STPG4: variants seen among roughly 807,000 people sequenced by gnomAD.
The protein encoded by STPG4 is sperm-tail PG-rich repeat containing 4, also known as protein STPG4.
In STPG4, 41 loss-of-function variants were observed where a neutral mutation model predicts 31.5. The ratio of observed to expected loss-of-function variants is 1.30; its 90% CI spans 1.01 to 1.69. The LOEUF is 1.69. Among genes scored for constraint, STPG4 ranks in the 40% most tolerant of loss-of-function variants. The probability of loss-of-function intolerance (pLI) is 0.00; values close to 1 mark genes in which losing one functional copy is unlikely to be tolerated. For missense variants in STPG4, 375 were observed against 293.4 expected (o/e 1.28, Z -2.03); for synonymous variants, 141 against 103.0 (o/e 1.37, Z -2.24).
chr2:47,143,376 T>C (rs1489880318), intron 3 of STPG4, among the ~76,000 whole-genome samples: 1 of 152,242 alleles, frequency 6.6e-6, no homozygotes, highest in East Asian at 1.9e-4. Context: ...AGGCGAAAAT[T>C]GTGCCTCACT....
intron 1 of STPG4, 137 bp from the exon 2 acceptor site, chr2:47,153,153 A>G: frequency 3.5e-6 from 2 of 564,050 alleles, no homozygotes; most frequent in Non-Finnish European, 6.1e-6. Flanking sequence ...AAAGCTACAT[A>G]ATAATAAATT....
At chr2:47,090,905 C>T (rs1030086456) in intron 5 of STPG4, among the ~76,000 whole-genome samples, 1 of 152,182 alleles carries the variant, frequency 6.6e-6, no homozygotes, top group South Asian at 2.1e-4. Context: ...AAAAGACAAT[C>T]ACTCCAGTAG....
intron 5 of STPG4, among the ~76,000 whole-genome samples, chr2:47,105,636 T>A (rs1685894855): frequency 1.3e-5 from 2 of 152,014 alleles, no homozygotes. Flanking sequence ...CTGATGGAAG[T>A]TCATTTGTGG....
chr2:47,099,227 TTTTC>T (rs144040771), intron 5 of STPG4, among the ~76,000 whole-genome samples: 47,696 of 151,800 alleles, frequency 0.31, 8,689 homozygotes, highest in East Asian at 0.53. Flanking sequence ...TCATCCTCTG[TTTTC>T]TTAGGAGGCC....
Position 47,088,116 on chromosome 2 carries a change from G to A in STPG4, c.625-986C>T, listed in dbSNP as rs1376834836. Among the ~76,000 whole-genome samples, 3 of 151,806 alleles carry A rather than the reference G, an allele frequency of 2.0e-5. No homozygotes were observed. The East Asian group carries it at 5.8e-4, about 29-fold the overall frequency. On this transcript the variant is annotated intron_variant, in intron 6 of 6. Transcript: ENST00000445927. ...TTTTTTTGAGATACGGTCTCACTCTGTCATCCAGCATGGAGTGCAGTGGCA... is the reference window on the plus strand; with the variant it reads ...TTTTTTTGAGATACGGTCTCACTCTATCATCCAGCATGGAGTGCAGTGGCA...
chr2:47,141,306 A>T (rs1686698575), intron 3 of STPG4, among the ~76,000 whole-genome samples: 1 of 151,992 alleles, frequency 6.6e-6, no homozygotes. Context: ...TCTGAGAAAT[A>T]AACAACATGG....
chr2:47,090,376 T>C lies in STPG4; in HGVS notation c.520-2A>G, dbSNP rs1685546987. The C allele has an allele frequency of 3.3e-6, 5 of 1,538,424 alleles. No individual in the cohort carries two copies. The African/African-American group carries it at 4.1e-5, about 13-fold the overall frequency. ...ATGACCTGGACCAGGGCCTTCATGC[T>C]ATTGAACATTTAAAAAATTGCTTCA... is the stretch of plus-strand genomic sequence containing the variant. On this transcript the variant is annotated splice_acceptor_variant, in intron 5 of 6. Coordinates refer to ENST00000445927, the MANE Select transcript of STPG4 (RefSeq NM_001163561.2). LOFTEE classifies it high-confidence loss of function.
At chr2:47,089,559 A>G (rs1685526154) in intron 6 of STPG4, among the ~76,000 whole-genome samples, 1 of 152,134 alleles carries the variant, frequency 6.6e-6, no homozygotes, top group Admixed American at 6.5e-5. Flanking sequence ...AGCCATCTCA[A>G]ATGAGTCTAC....
At chr2:47,148,574 A>G (rs1050636485) in intron 3 of STPG4, among the ~76,000 whole-genome samples, 2 of 152,170 alleles carry the variant, frequency 1.3e-5, no homozygotes, top group African/African-American at 4.8e-5. Flanking sequence ...GTACATGTGC[A>G]CAATGTGCAG....
Position 47,097,000 on chromosome 2 carries a change from G to C in STPG4, c.520-6626C>G, listed in dbSNP as rs35791680. Among the ~76,000 whole-genome samples, 3 of 151,910 alleles carry C rather than the reference G, an allele frequency of 2.0e-5. No homozygotes were observed. In the South Asian group the frequency reaches 6.2e-4, roughly 32 times the overall value. On this transcript the variant is annotated intron_variant, in intron 5 of 6. Coordinates refer to ENST00000445927, the MANE Select transcript of STPG4 (RefSeq NM_001163561.2). ...GGCAAGTGATATGAGGAAGCTCCAG[G>C]GAAGAGGCATCTGGAGTAACCCCTT...
At chr2:47,091,964 G>T (rs1047935894) in intron 5 of STPG4, among the ~76,000 whole-genome samples, 1 of 150,172 alleles carries the variant, frequency 6.7e-6, no homozygotes, top group Non-Finnish European at 1.5e-5. Flanking sequence ...CAGTGTTGAT[G>T]AGTTTTTATA....
At chr2:47,100,417 G>A (rs1685769843) in intron 5 of STPG4, among the ~76,000 whole-genome samples, 1 of 149,254 alleles carries the variant, frequency 6.7e-6, no homozygotes, top group East Asian at 2.0e-4. Context: ...TAATCTAGTG[G>A]GGACTTAGAG....
intron 4 of STPG4, 99 bp downstream of exon 4, chr2:47,130,097 A>C: frequency 1.4e-6 from 2 of 1,474,650 alleles, no homozygotes; most frequent in South Asian, 2.4e-5. Context: ...TAAAATGTTA[A>C]TTTGCATATG....
At chr2:47,114,197 C>T (rs1478471691) in intron 5 of STPG4, among the ~76,000 whole-genome samples, 2 of 151,660 alleles carry the variant, frequency 1.3e-5, no homozygotes, top group African/African-American at 4.9e-5. Context: ...ATAGCAAGAC[C>T]CCATTTTCAA....
At chr2:47,132,025 C>T (rs191238858) in intron 3 of STPG4, among the ~76,000 whole-genome samples, 23 of 152,184 alleles carry the variant, frequency 1.5e-4, no homozygotes, top group African/African-American at 5.5e-4. Flanking sequence ...ATTAGCCAGG[C>T]GTGGTGGTGG....
intron 3 of STPG4, among the ~76,000 whole-genome samples, chr2:47,140,106 C>T (rs1032419493): frequency 7.2e-5 from 11 of 152,120 alleles, no homozygotes; most frequent in South Asian, 2.1e-4. Flanking sequence ...GTCTCTACCT[C>T]TCTCTGGTAT....
At chr2:47,090,506 G>A in intron 5 of STPG4, 132 bp from the exon 6 acceptor site, 2 of 645,452 alleles carry the variant, frequency 3.1e-6, no homozygotes, top group Non-Finnish European at 2.7e-6. Flanking sequence ...GGTCTCGAGA[G>A]ATCTCTTTAA....
At chr2:47,101,116 T>C (rs1685790951) in intron 5 of STPG4, among the ~76,000 whole-genome samples, 1 of 151,788 alleles carries the variant, frequency 6.6e-6, no homozygotes, top group Admixed American at 6.6e-5. Context: ...AGCTTGCTAT[T>C]CTGTCCTATT....
chr2:47,105,460 C>G (rs970005517), intron 5 of STPG4, among the ~76,000 whole-genome samples: 1 of 152,072 alleles, frequency 6.6e-6, no homozygotes, highest in Non-Finnish European at 1.5e-5. Flanking sequence ...CCTTGAGGGA[C>G]TGGTGCTTCA....
Sources: gnomAD v4.1 joint callset for allele counts (sites outside exome capture counted in the v4.1 genomes callset) on GRCh38, gnomAD v4.1.1 for gene constraint, MANE v1.5 for transcripts, NCBI Gene and HGNC (gene_info 2026-07-23, HGNC 2026-07-21) for gene names.